Variants in ELOVL5 observed in about 807,000 individuals in gnomAD.
ELOVL5 encodes very long chain fatty acid elongase 5.
A neutral mutation model predicts 38.6 loss-of-function variants in ELOVL5; 8 were observed. The ratio of observed to expected loss-of-function variants is 0.21; its 90% CI spans 0.12 to 0.37. The LOEUF (loss-of-function observed/expected upper bound fraction) is 0.37, where lower values mean the gene tolerates loss of function less well. Ranked by LOEUF, ELOVL5 falls within the 10% of genes least tolerant of loss-of-function variation. ELOVL5 has a pLI of 1.00. For synonymous variants in ELOVL5, 127 were observed against 133.7 expected (o/e 0.95, Z 0.34); for missense variants, 280 against 367.8 (o/e 0.76, Z 1.95).
At chr6:53,331,519 G>A (rs900922770) in intron 1 of ELOVL5, among the ~76,000 whole-genome samples, 5 of 152,100 alleles carry the variant, frequency 3.3e-5, no homozygotes, top group African/African-American at 1.2e-4. Context: ...CACTGCCCTA[G>A]GACATTAAGA....
intron 3 of ELOVL5, among the ~76,000 whole-genome samples, chr6:53,289,613 G>T (rs977556914): frequency 6.6e-6 from 1 of 152,146 alleles, no homozygotes; most frequent in Admixed American, 6.5e-5. Flanking sequence ...CCAGCTACTA[G>T]GGAGGCTGAG....
chr6:53,348,946 A>G lies in ELOVL5; in HGVS notation c.-138T>C, dbSNP rs1313794560. The G allele has an allele frequency of 2.3e-6, 1 of 429,550 alleles. No homozygotes were observed. The highest frequency in any genetic ancestry group is 7.9e-5 in the East Asian group (1 of 12,646). 26.6% of individuals were successfully genotyped at this position (429,550 alleles called of 1,614,324 possible). ...CGGTGGCTAGGACCCGCGCGATGGG[A>G]AGAGGAAGGCGCCGGCTATCTACAA... On this transcript the variant is annotated 5_prime_UTR_variant, in exon 1 of 8. Transcript: ENST00000304434.
chr6:53,300,412 A>G (rs996959355), intron 1 of ELOVL5, among the ~76,000 whole-genome samples: 30 of 152,190 alleles, frequency 2.0e-4, no homozygotes, highest in East Asian at 5.8e-4. Flanking sequence ...CCATAAACAT[A>G]TATTAATTAC....
chr6:53,327,290 G>C (rs558956998), intron 1 of ELOVL5, among the ~76,000 whole-genome samples: 5 of 151,986 alleles, frequency 3.3e-5, no homozygotes, highest in Non-Finnish European at 7.4e-5. Flanking sequence ...AATCCAACAA[G>C]CAGAATTGAT....
intron 3 of ELOVL5, among the ~76,000 whole-genome samples, chr6:53,279,429 A>C (rs1172054129): frequency 6.6e-6 from 1 of 152,176 alleles, no homozygotes; most frequent in Non-Finnish European, 1.5e-5. Flanking sequence ...AGTGACCTGT[A>C]GCTGTTTGCT....
At chr6:53,278,574 G>C (rs1766231018) in intron 3 of ELOVL5, among the ~76,000 whole-genome samples, 3 of 152,198 alleles carry the variant, frequency 2.0e-5, no homozygotes, top group African/African-American at 7.2e-5. Context: ...TAAAACACCT[G>C]TTGTCTTTGG....
At chr6:53,270,857 A>AAG in intron 6 of ELOVL5, 130 bp from the exon 7 acceptor site, 1 of 993,428 alleles carries the variant, frequency 1.0e-6, no homozygotes, top group Non-Finnish European at 1.5e-6. Flanking sequence ...CAGGTACAGC[A>AAG]GTCACTTCAT....
intron 1 of ELOVL5, among the ~76,000 whole-genome samples, chr6:53,345,533 G>C (rs942491762): frequency 2.0e-4 from 30 of 152,252 alleles, no homozygotes; most frequent in African/African-American, 6.5e-4. Context: ...AAACCCTCTG[G>C]AATCAGGAAC....
At position 53,268,977 on chromosome 6, in the gene ELOVL5, T is replaced by C. The variant is rs1765826413; in HGVS notation, c.*150A>G. On this transcript the variant is annotated 3_prime_UTR_variant, in exon 8 of 8. Coordinates refer to ENST00000304434, the MANE Select transcript of ELOVL5 (RefSeq NM_021814.5). The stretch of plus-strand genomic sequence containing the variant: ...ACTTATATAATCTGTATACGTTTTC[T>C]AGGGGTTTTGAATTGATGAAAGAAG... 9.3e-6 allele frequency: 8 copies of C among 864,356 alleles called. No individual in the cohort carries two copies. The highest frequency in any genetic ancestry group is 9.1e-5 in the South Asian group (5 of 55,054). 53.5% of individuals were successfully genotyped at this position (864,356 alleles called of 1,614,324 possible). A position where few individuals can be genotyped will look rare whatever the true frequency, so the allele number is the denominator to read the frequency against.
intron 2 of ELOVL5, chr6:53,294,562 T>A: frequency 6.9e-7 from 1 of 1,455,934 alleles, no homozygotes; most frequent in Non-Finnish European, 9.1e-7. Context: ...CTGAAATAAC[T>A]ACGGAATTGC....
chr6:53,318,265 T>G (rs1768139669), intron 1 of ELOVL5, among the ~76,000 whole-genome samples: 1 of 152,054 alleles, frequency 6.6e-6, no homozygotes, highest in Non-Finnish European at 1.5e-5. Context: ...CTACCAAGAG[T>G]ATAGCTGAAT....
At chr6:53,307,000 G>A (rs1318689161) in intron 1 of ELOVL5, among the ~76,000 whole-genome samples, 1 of 152,206 alleles carries the variant, frequency 6.6e-6, no homozygotes, top group Non-Finnish European at 1.5e-5. Context: ...TCCATCAGGT[G>A]CAGGAGTTAG....
At chr6:53,286,735 CAA>C (rs1766584784) in intron 3 of ELOVL5, among the ~76,000 whole-genome samples, 2 of 152,042 alleles carry the variant, frequency 1.3e-5, no homozygotes, top group Non-Finnish European at 2.9e-5. Context: ...CTATACGACT[CAA>C]GATGAATTGG....
chr6:53,345,962 T>C (rs1261191101), intron 1 of ELOVL5, among the ~76,000 whole-genome samples: 2 of 152,180 alleles, frequency 1.3e-5, no homozygotes, highest in Admixed American at 6.5e-5. Flanking sequence ...GTTACATAGG[T>C]ATACATGTGC....
chr6:53,328,387 C>T (rs1768642316), intron 1 of ELOVL5, among the ~76,000 whole-genome samples: 2 of 152,048 alleles, frequency 1.3e-5, no homozygotes, highest in Admixed American at 1.3e-4. Context: ...ATCAAAGAAT[C>T]TGAGGTTATA....
chr6:53,310,319 T>C (rs578232359), intron 1 of ELOVL5, among the ~76,000 whole-genome samples: 5 of 152,312 alleles, frequency 3.3e-5, no homozygotes, highest in African/African-American at 1.2e-4. Context: ...TTTCAAAGAC[T>C]CACTAAGGAA....
At chr6:53,311,777 C>A (rs1225230013) in intron 1 of ELOVL5, among the ~76,000 whole-genome samples, 1 of 152,116 alleles carries the variant, frequency 6.6e-6, no homozygotes, top group Non-Finnish European at 1.5e-5. Context: ...CCAGAATAGG[C>A]AGATCCATCA....
rs1007170874 is a variant in ELOVL5 at position 53,284,438 on chromosome 6, C to A, written c.246+7338G>T. Among the ~76,000 whole-genome samples, 3 of 152,042 alleles carry A rather than the reference C, an allele frequency of 2.0e-5. No individual in the cohort carries two copies. In the East Asian group the frequency reaches 5.8e-4, roughly 29 times the overall value. ...GAAATACTGACTCAACTGAAACTGT[C>A]GTAAGTTAAAAATGCATGGTAAACA... On this transcript the variant is annotated intron_variant, in intron 3 of 7. Coordinates refer to ENST00000304434, the MANE Select transcript of ELOVL5 (RefSeq NM_021814.5).
intron 6 of ELOVL5, among the ~76,000 whole-genome samples, chr6:53,272,979 T>A (rs1038440246): frequency 6.6e-6 from 1 of 152,228 alleles, no homozygotes; most frequent in African/African-American, 2.4e-5. Flanking sequence ...GAACTTGAAG[T>A]TGGCAAATTA....
Sources: allele counts gnomAD v4.1 joint callset (sites outside exome capture counted in the v4.1 genomes callset), GRCh38; gene constraint gnomAD v4.1.1; transcripts MANE v1.5; gene names NCBI Gene and HGNC (gene_info 2026-07-23, HGNC 2026-07-21).